Variants in TNNI1 observed in about 807,000 individuals in gnomAD.
TNNI1 encodes the protein troponin I, slow skeletal muscle.
Under a neutral mutation model 26.7 loss-of-function variants are expected in TNNI1, and 14 were observed. The observed-to-expected ratio is 0.52, with a 90% CI of 0.35 to 0.82. The LOEUF (loss-of-function observed/expected upper bound fraction) is 0.82, where lower values mean the gene tolerates loss of function less well. TNNI1 is among the 40% of genes least tolerant of loss of function. The pLI is 0.01. For missense variants in TNNI1, 164 were observed against 257.0 expected, an observed-to-expected ratio of 0.64 and a Z score of 2.47; for synonymous variants, 79 against 98.2, an observed-to-expected ratio of 0.80 and a Z score of 1.16.
chr1:201,416,344 C>T (rs1309454312), intron 3 of TNNI1, among the ~76,000 whole-genome samples: 1 of 152,244 alleles, frequency 6.6e-6, no homozygotes, highest in East Asian at 1.9e-4. Flanking sequence ...TTCCCCACCA[C>T]TTGGTGAGCC....
intron 3 of TNNI1, among the ~76,000 whole-genome samples, chr1:201,415,932 GT>G (rs1193045904): frequency 6.6e-6 from 1 of 152,070 alleles, no homozygotes; most frequent in East Asian, 1.9e-4. Context: ...GGGCTGCTTG[GT>G]CCCCAACTAA....
chr1:201,419,147 A>G (rs1662811592), intron 1 of TNNI1, among the ~76,000 whole-genome samples: 1 of 152,236 alleles, frequency 6.6e-6, no homozygotes, highest in African/African-American at 2.4e-5. Context: ...ACAAACAAAA[A>G]GAGCCAAATG....
intron 1 of TNNI1, among the ~76,000 whole-genome samples, chr1:201,421,200 G>A (rs1662850993): frequency 6.6e-6 from 1 of 152,128 alleles, no homozygotes; most frequent in African/African-American, 2.4e-5. Flanking sequence ...GGGAGCTCTG[G>A]CCCTGCCTTC....
At chr1:201,410,298 C>G in intron 8 of TNNI1, 28 bp downstream of exon 8, 4 of 1,596,484 alleles carry the variant, frequency 2.5e-6, no homozygotes, top group Middle Eastern at 1.7e-4. Context: ...CTGATGGACC[C>G]CAGAGAAGGG....
intron 1 of TNNI1, among the ~76,000 whole-genome samples, chr1:201,420,679 C>T (rs76013311): frequency 0.052 from 7,927 of 152,226 alleles, 602 homozygotes; most frequent in African/African-American, 0.17. Context: ...GGCTCATGTG[C>T]TTCCCCCTGC....
chr1:201,418,022 T>C (rs187476015), intron 1 of TNNI1, among the ~76,000 whole-genome samples: 71 of 152,016 alleles, frequency 4.7e-4, no homozygotes, highest in Non-Finnish European at 8.4e-4. Flanking sequence ...TCCCAGCCTG[T>C]TTTTGCTTAA....
chr1:201,421,272 G>A (rs1662852166), intron 1 of TNNI1, among the ~76,000 whole-genome samples: 1 of 152,128 alleles, frequency 6.6e-6, no homozygotes, highest in Non-Finnish European at 1.5e-5. Context: ...AGGCATTGCT[G>A]ACTTTGAGCA....
chr1:201,413,728 G>A (rs1191871017), intron 5 of TNNI1, among the ~76,000 whole-genome samples: 6 of 151,934 alleles, frequency 3.9e-5, no homozygotes, highest in African/African-American at 1.5e-4. Context: ...CTGGGCAACA[G>A]AATGAGACTC....
In TNNI1 at chr1:201,405,042, T is replaced by G. The variant is rs564532849; in HGVS notation, c.*4211A>C. 1.0e-4 allele frequency: 16 copies of G among 152,522 alleles called. No homozygotes were observed. Among genetic ancestry groups the G allele is most frequent in the African/African-American group, 3.8e-4 (16 of 41,596 alleles). 9.4% of individuals were successfully genotyped at this position (152,522 alleles called of 1,614,324 possible). ...AGTGAGAGAGGCCAATGGTTGGCACTGGAGCCAGTTGGGGTGCTGAGTTGA... is the reference window on the plus strand; with the variant it reads ...AGTGAGAGAGGCCAATGGTTGGCACGGGAGCCAGTTGGGGTGCTGAGTTGA... On this transcript the variant is annotated 3_prime_UTR_variant, in exon 9 of 9. Transcript: ENST00000361379.
At position 201,419,290 on chromosome 1, in the gene TNNI1, A is replaced by G. The variant is rs1662814692; in HGVS notation, c.-19-1478T>C. Among the ~76,000 whole-genome samples, 4 of 152,356 alleles carry G rather than the reference A, an allele frequency of 2.6e-5. 1 individual carries two copies. The South Asian group carries it at 8.3e-4, about 32-fold the overall frequency. On this transcript the variant is annotated intron_variant, in intron 1 of 8. Coordinates refer to ENST00000361379, the MANE Select transcript of TNNI1 (RefSeq NM_003281.4). ...CCAAAGAGGGGGTCCGTGAGGCTGC[A>G]GAGGGAGATGTTCCAAAACCAGACA... is the stretch of plus-strand genomic sequence containing the variant.
chr1:201,411,635 T>G lies in TNNI1; in HGVS notation c.280-102A>C. 1 of 1,243,878 alleles carries G rather than the reference T, an allele frequency of 8.0e-7. No homozygotes were observed. Among genetic ancestry groups the G allele is most frequent in the African/African-American group, 1.6e-5 (1 of 63,806 alleles). The allele number at this position is 1,243,878 out of a possible 1,614,324, so 77.1% of individuals were successfully genotyped here. ...CTAGGGTTCCAGCCAGAGATACACC[T>G]TAAATTGTCCACCCTTGAAGCCAGA... On this transcript the variant is annotated intron_variant, in intron 6 of 8. Transcript: ENST00000361379. The surrounding 1 kb of genome is among the most constrained non-coding windows in gnomAD (Gnocchi z 4.6).
intron 3 of TNNI1, among the ~76,000 whole-genome samples, chr1:201,415,716 C>T (rs1441203312): frequency 1.3e-5 from 2 of 152,210 alleles, no homozygotes; most frequent in African/African-American, 4.8e-5. Context: ...CGTCATGCTG[C>T]ATAAATAAGC....
At chr1:201,419,231 G>A (rs1369123817) in intron 1 of TNNI1, among the ~76,000 whole-genome samples, 2 of 152,242 alleles carry the variant, frequency 1.3e-5, no homozygotes, top group Non-Finnish European at 2.9e-5. Context: ...AATACAATTT[G>A]AAGCCCCCTG....
intron 3 of TNNI1, 136 bp downstream of exon 3, chr1:201,416,980 T>A: frequency 9.6e-7 from 1 of 1,036,672 alleles, no homozygotes; most frequent in Non-Finnish European, 1.5e-6. Flanking sequence ...GTTCAGCCAC[T>A]AAATACCCTA....
chr1:201,419,848 G>C (rs954030898), intron 1 of TNNI1, among the ~76,000 whole-genome samples: 10 of 152,234 alleles, frequency 6.6e-5, no homozygotes, highest in Admixed American at 3.9e-4. Context: ...CTGGGGCACA[G>C]AGGGAGGGGT....
At chr1:201,418,813 A>ATCAG (rs1465330410) in intron 1 of TNNI1, among the ~76,000 whole-genome samples, 2 of 152,150 alleles carry the variant, frequency 1.3e-5, no homozygotes, top group Non-Finnish European at 2.9e-5. Flanking sequence ...TAGGGGTTAA[A>ATCAG]TCAGTGAGTT....
chr1:201,417,048 A>G, intron 3 of TNNI1, 68 bp downstream of exon 3: 2 of 1,604,374 alleles, frequency 1.2e-6, no homozygotes, highest in Non-Finnish European at 8.5e-7. Context: ...TCAGATGCCA[A>G]CCCCACCTTC....
rs1186491401 is a variant in TNNI1, at chr1:201,405,181, G to C, written c.*4072C>G. On this transcript the variant is annotated 3_prime_UTR_variant, in exon 9 of 9. Coordinates refer to ENST00000361379, the MANE Select transcript of TNNI1 (RefSeq NM_003281.4). ...TGGGAGTCTGGGGACCTACTTCCTAGCTCCAGTTAGGTTTGTGACCTTGAG... is the reference window on the plus strand; with the variant it reads ...TGGGAGTCTGGGGACCTACTTCCTACCTCCAGTTAGGTTTGTGACCTTGAG... 6.6e-6 allele frequency: 1 copy of C among 152,636 alleles called. No individual in the cohort carries two copies. Among genetic ancestry groups the C allele is most frequent in the African/African-American group, 2.4e-5 (1 of 41,460 alleles). 9.5% of individuals were successfully genotyped at this position (152,636 alleles called of 1,614,324 possible). A position where few individuals can be genotyped will look rare whatever the true frequency, so the allele number is the denominator to read the frequency against.
At chr1:201,417,342 G>A (rs1662760963) in intron 2 of TNNI1, among the ~76,000 whole-genome samples, 1 of 152,170 alleles carries the variant, frequency 6.6e-6, no homozygotes, top group Non-Finnish European at 1.5e-5. Context: ...GAACTACGGG[G>A]CATTCTTATT....
Sources: allele counts gnomAD v4.1 joint callset (sites outside exome capture counted in the v4.1 genomes callset), GRCh38; gene constraint gnomAD v4.1.1; non-coding constraint Gnocchi (gnomAD v3.1); transcripts MANE v1.5; gene names NCBI Gene and HGNC (gene_info 2026-07-23, HGNC 2026-07-21).